Variants in UBE2W observed in about 807,000 individuals in gnomAD.
UBE2W encodes ubiquitin-conjugating enzyme E2 W.
Under a neutral mutation model 27.2 loss-of-function variants are expected in UBE2W, and 18 were observed. That is an observed-to-expected ratio of 0.66 (90% CI 0.46 to 0.98). The LOEUF (loss-of-function observed/expected upper bound fraction) is 0.98. Among genes scored for constraint, UBE2W ranks in the 50% least tolerant of loss-of-function variants. The probability of loss-of-function intolerance (pLI) is 0.00; values close to 1 mark genes in which losing one functional copy is unlikely to be tolerated. For missense variants in UBE2W, 90 were observed against 180.2 expected, an observed-to-expected ratio of 0.50 and a Z score of 2.87; for synonymous variants, 53 against 57.2, an observed-to-expected ratio of 0.93 and a Z score of 0.33.
intron 1 of UBE2W, among the ~76,000 whole-genome samples, chr8:73,861,664 TAATAA>T (rs1428672559): frequency 6.6e-6 from 1 of 152,180 alleles, no homozygotes; most frequent in Non-Finnish European, 1.5e-5. Context: ...ATTCATGATA[TAATAA>T]AATATTTTTA....
Position 73,789,937 on chromosome 8 carries a change from T to C in UBE2W, c.*4165A>G. 3 of 983,640 alleles carry C rather than the reference T, an allele frequency of 3.0e-6. No homozygotes were observed. The highest frequency in any genetic ancestry group is 3.6e-6 in the Non-Finnish European group (3 of 828,348). The allele number at this position is 983,640 out of a possible 1,614,324, so 60.9% of individuals were successfully genotyped here. ...AATAAATAATTTGCTTGGACAATAA[T>C]TTGGCTTTGGGAGAGTCCTCATCCG... On this transcript the variant is annotated 3_prime_UTR_variant, in exon 6 of 6. Transcript: ENST00000602593.
chr8:73,816,209 C>T (rs1322788336), intron 3 of UBE2W, among the ~76,000 whole-genome samples: 1 of 152,186 alleles, frequency 6.6e-6, no homozygotes, highest in African/African-American at 2.4e-5. Context: ...GGATGGTAAT[C>T]ATTCTCTTCC....
rs1271269336 is a variant in UBE2W at position 73,789,958 on chromosome 8, A to T, written c.*4144T>A. 1.2e-5 allele frequency: 12 copies of T among 984,434 alleles called. No homozygotes were observed. The highest frequency in any genetic ancestry group is 1.3e-5 in the Non-Finnish European group (11 of 829,140). The allele number at this position is 984,434 out of a possible 1,614,324, so 61.0% of individuals were successfully genotyped here. On this transcript the variant is annotated 3_prime_UTR_variant, in exon 6 of 6. Coordinates refer to ENST00000602593, the MANE Select transcript of UBE2W (RefSeq NM_018299.6). Reference sequence around the variant, plus strand: ...ATAATTTGGCTTTGGGAGAGTCCTCATCCGAAAATAACAAAATTTCCTTAA... The same window carrying T: ...ATAATTTGGCTTTGGGAGAGTCCTCTTCCGAAAATAACAAAATTTCCTTAA...
rs374537068 is a variant in UBE2W at position 73,878,307 on chromosome 8, G to A, written c.15+501C>T. 1.7e-4 allele frequency among the ~76,000 whole-genome samples: 26 copies of A among 152,370 alleles called. No individual in the cohort carries two copies. In the East Asian group the frequency reaches 3.7e-3, roughly 21 times the overall value. On this transcript the variant is annotated intron_variant, in intron 1 of 5. Coordinates refer to ENST00000602593, the MANE Select transcript of UBE2W (RefSeq NM_018299.6). ...TCTGGGGGGCCCGGCGTGGGAGGCC[G>A]GAGCAGAGGCCGCTAAGCGCCGTCC...
chr8:73,815,717 A>G (rs1436641448), intron 3 of UBE2W, among the ~76,000 whole-genome samples: 8 of 152,232 alleles, frequency 5.3e-5, no homozygotes, highest in Admixed American at 5.2e-4. Context: ...GAAAGTCTAT[A>G]ACCTAACATG....
intron 1 of UBE2W, among the ~76,000 whole-genome samples, chr8:73,864,336 C>A (rs1811653400): frequency 6.6e-6 from 1 of 152,136 alleles, no homozygotes; most frequent in Non-Finnish European, 1.5e-5. Flanking sequence ...TGCAGAAAGA[C>A]AAGATCATGC....
At chr8:73,864,510 T>C (rs1586542831) in intron 1 of UBE2W, among the ~76,000 whole-genome samples, 1 of 152,152 alleles carries the variant, frequency 6.6e-6, no homozygotes, top group South Asian at 2.1e-4. Flanking sequence ...AGGGTTAGAT[T>C]CCTGCCAGCC....
chr8:73,855,194 T>C (rs1320436590), intron 1 of UBE2W, among the ~76,000 whole-genome samples: 1 of 152,122 alleles, frequency 6.6e-6, no homozygotes, highest in Admixed American at 6.6e-5. Flanking sequence ...TAAAACACAA[T>C]GAAAAATACA....
In UBE2W at chr8:73,792,905, T is replaced by G. The variant is rs541926292; in HGVS notation, c.*1197A>C. ...CTGTGTGAGACAAATAAGCAACCAT[T>G]TGATAGTGACTTTTGCCTAAATTTT... On this transcript the variant is annotated 3_prime_UTR_variant, in exon 6 of 6. Coordinates refer to ENST00000602593, the MANE Select transcript of UBE2W (RefSeq NM_018299.6). The G allele has an allele frequency of 3.4e-5, 34 of 985,732 alleles. No homozygotes were observed. In the African/African-American group the frequency reaches 5.6e-4, roughly 16 times the overall value. 61.1% of individuals were successfully genotyped at this position (985,732 alleles called of 1,614,324 possible).
At chr8:73,780,767 AC>A (rs1364768857) in intron 4 of UBE2W, among the ~76,000 whole-genome samples, 1 of 151,742 alleles carries the variant, frequency 6.6e-6, no homozygotes, top group African/African-American at 2.4e-5. Context: ...CAAGAGATCC[AC>A]CTGCCTCAAC....
At chr8:73,868,958 G>A (rs1324427868) in intron 1 of UBE2W, among the ~76,000 whole-genome samples, 1 of 152,034 alleles carries the variant, frequency 6.6e-6, no homozygotes, top group Non-Finnish European at 1.5e-5. Context: ...TACTAAAAAG[G>A]GGAAACAATC....
In UBE2W at chr8:73,815,834, G is replaced by A. The variant is rs1809364701; in HGVS notation, c.211-5205C>T. ...GGATACCAAGGTTTTTCCAGGGACA[G>A]TATGAGGAAAATATGTTCTCTGATT... On this transcript the variant is annotated intron_variant, in intron 3 of 5. Coordinates refer to ENST00000602593, the MANE Select transcript of UBE2W (RefSeq NM_018299.6). Among the ~76,000 whole-genome samples the A allele has an allele frequency of 2.6e-5, 4 of 152,188 alleles. 1 individual carries two copies. In the South Asian group the frequency reaches 8.3e-4, roughly 32 times the overall value.
At chr8:73,804,751 G>A (rs1808798585) in intron 5 of UBE2W, among the ~76,000 whole-genome samples, 1 of 150,984 alleles carries the variant, frequency 6.6e-6, no homozygotes, top group Non-Finnish European at 1.5e-5. Context: ...TGGAGATAGA[G>A]TCTCATTCCA....
chr8:73,821,701 T>G (rs1356748901), intron 3 of UBE2W, among the ~76,000 whole-genome samples: 1 of 151,806 alleles, frequency 6.6e-6, no homozygotes, highest in Non-Finnish European at 1.5e-5. Flanking sequence ...AAATAAAAGA[T>G]AAAAACCTGG....
Position 73,805,739 on chromosome 8 carries a change from A to G in UBE2W, c.367-13T>C, listed in dbSNP as rs1326682158. The G allele has an allele frequency of 2.0e-6, 3 of 1,464,280 alleles. No individual in the cohort carries two copies. The highest frequency in any genetic ancestry group is 1.8e-6 in the Non-Finnish European group (2 of 1,088,640). The allele number at this position is 1,464,280 out of a possible 1,614,324, so 90.7% of individuals were successfully genotyped here. A position where few individuals can be genotyped will look rare whatever the true frequency, so the allele number is the denominator to read the frequency against. The stretch of plus-strand genomic sequence containing the variant: ...CCGGTGGTCGTCTCTGAAACAAAAA[A>G]TAATTTAAATAGGTTGAAAAACAGA... On this transcript the variant is annotated splice_polypyrimidine_tract_variant and intron_variant, in intron 4 of 5. Coordinates refer to ENST00000602593, the MANE Select transcript of UBE2W (RefSeq NM_018299.6).
Position 73,789,468 on chromosome 8 carries a change from C to G in UBE2W, c.*4634G>C, listed in dbSNP as rs1039099512. ...CCACTGCACACTCCAGCCTGGGCAACAGAGGAAGACCGTCTCAAAAAACAA... is the reference window on the plus strand; with the variant it reads ...CCACTGCACACTCCAGCCTGGGCAAGAGAGGAAGACCGTCTCAAAAAACAA... On this transcript the variant is annotated 3_prime_UTR_variant, in exon 6 of 6. Coordinates refer to ENST00000602593, the MANE Select transcript of UBE2W (RefSeq NM_018299.6). The G allele has an allele frequency of 2.0e-5, 3 of 152,274 alleles. No homozygotes were observed. Among genetic ancestry groups the G allele is most frequent in the African/African-American group, 7.3e-5 (3 of 41,344 alleles). The allele number at this position is 152,274 out of a possible 1,614,324, so 9.4% of individuals were successfully genotyped here.
downstream of UBE2W, among the ~76,000 whole-genome samples, chr8:73,785,418 C>T (rs1463120145): frequency 2.0e-5 from 3 of 152,108 alleles, no homozygotes; most frequent in African/African-American, 7.2e-5. Context: ...GCTGGGATTA[C>T]AGGTATAAGC....
intron 5 of UBE2W, among the ~76,000 whole-genome samples, chr8:73,803,957 A>T (rs569859629): frequency 4.6e-5 from 7 of 151,382 alleles, no homozygotes; most frequent in Admixed American, 4.6e-4. Flanking sequence ...TAGTAGAGAC[A>T]GGGTTTCACC....
rs1386362257 is a variant in UBE2W, at chr8:73,844,861, C to G, written c.16-14389G>C. Among the ~76,000 whole-genome samples, 8 of 151,314 alleles carry G rather than the reference C, an allele frequency of 5.3e-5. No homozygotes were observed. In the Middle Eastern group the frequency reaches 0.01, roughly 193 times the overall value. Reference sequence around the variant, plus strand: ...GCCACCCCGTCTGGGAGGTGCGGAGCGTCTCCGACGGGCCACCCCGTCTGA... The same window carrying G: ...GCCACCCCGTCTGGGAGGTGCGGAGGGTCTCCGACGGGCCACCCCGTCTGA... On this transcript the variant is annotated intron_variant, in intron 1 of 5. Coordinates refer to ENST00000602593, the MANE Select transcript of UBE2W (RefSeq NM_018299.6).
Sources: gnomAD v4.1 joint callset for allele counts (sites outside exome capture counted in the v4.1 genomes callset) on GRCh38, gnomAD v4.1.1 for gene constraint, MANE v1.5 for transcripts, NCBI Gene and HGNC (gene_info 2026-07-23, HGNC 2026-07-21) for gene names.